Variants in SYNJ2 observed in about 807,000 individuals in gnomAD.
The protein encoded by SYNJ2 is polyphosphatidylinositol phosphatase SYNJ2.
A neutral mutation model predicts 141.3 loss-of-function variants in SYNJ2; 116 were observed. The observed-to-expected ratio is 0.82, with a 90% CI of 0.71 to 0.96. The LOEUF (loss-of-function observed/expected upper bound fraction) is 0.96. Ranked by LOEUF, SYNJ2 falls within the 40% of genes least tolerant of loss-of-function variation. The probability of loss-of-function intolerance (pLI) is 0.00; values close to 1 mark genes in which losing one functional copy is unlikely to be tolerated. For missense variants in SYNJ2, 1,873 were observed against 1,934.8 expected (o/e 0.97, Z 0.60); for synonymous variants, 745 against 777.7 (o/e 0.96, Z 0.70).
At position 158,088,034 on chromosome 6, in the gene SYNJ2, A is replaced by AT. The variant is rs568222551; in HGVS notation, c.3344-582dup. ...TAACAGTTTATTCCCCTGCTTTGGA[A>AT]TTTTTTTTTTTTTTTTTTTTTTTTT... On this transcript the variant is annotated intron_variant, in intron 23 of 26. Transcript: ENST00000355585. Among the ~76,000 whole-genome samples the AT allele has an allele frequency of 1.2e-3, 37 of 31,912 alleles. 4 individuals carry two copies. Among genetic ancestry groups the AT allele is most frequent in the Admixed American group, 2.1e-3 (4 of 1,892 alleles). The allele number at this position is 31,912 out of a possible 152,430, so 20.9% of individuals were successfully genotyped here. A position where few individuals can be genotyped will look rare whatever the true frequency, so the allele number is the denominator to read the frequency against.
At chr6:158,068,599 C>T (rs374680336) in intron 12 of SYNJ2, 48 bp from the exon 13 acceptor site, 111 of 1,606,370 alleles carry the variant, frequency 6.9e-5, no homozygotes, top group Admixed American at 1.7e-4. Flanking sequence ...ACTCGTAATG[C>T]GGGACTTGGC....
At chr6:157,987,146 C>A (rs1323808672) in intron 1 of SYNJ2, among the ~76,000 whole-genome samples, 1 of 151,704 alleles carries the variant, frequency 6.6e-6, no homozygotes, top group African/African-American at 2.4e-5. Flanking sequence ...GCTACCATGC[C>A]CGGCTAATTT....
At chr6:158,017,339 A>T in intron 2 of SYNJ2, 49 bp downstream of exon 2, 1 of 1,570,050 alleles carries the variant, frequency 6.4e-7, no homozygotes, top group South Asian at 1.2e-5. Flanking sequence ...CCCGGTGGGC[A>T]GGAGCCTCTG....
intron 21 of SYNJ2, 128 bp downstream of exon 21, chr6:158,083,725 C>T: frequency 8.1e-7 from 1 of 1,241,230 alleles, no homozygotes; most frequent in Non-Finnish European, 1.1e-6. Context: ...GCCCTCTGTC[C>T]CATGTGATGA....
At chr6:157,990,128 G>C (rs1012735537) in intron 1 of SYNJ2, among the ~76,000 whole-genome samples, 1 of 152,238 alleles carries the variant, frequency 6.6e-6, no homozygotes, top group African/African-American at 2.4e-5. Flanking sequence ...GTGACTCGGA[G>C]CAGCGGATTC....
At chr6:158,076,180 C>T (rs1247090780) in intron 16 of SYNJ2, among the ~76,000 whole-genome samples, 1 of 152,088 alleles carries the variant, frequency 6.6e-6, no homozygotes, top group African/African-American at 2.4e-5. Context: ...AGAGCGAGAC[C>T]CCAGGGGGAG....
At chr6:158,093,240 C>A (rs778361151) in intron 26 of SYNJ2, 136 bp downstream of exon 26, 23 of 944,226 alleles carry the variant, frequency 2.4e-5, no homozygotes, top group Non-Finnish European at 3.6e-5. Flanking sequence ...TCAAGACCAG[C>A]CTGACCAACA....
Position 158,095,988 on chromosome 6 carries a change from CTG to C in SYNJ2, c.4116_4117del (p.Ala1373ArgfsTer37). 6.2e-7 allele frequency: 1 copy of C among 1,614,216 alleles called. No homozygotes were observed. Among genetic ancestry groups the C allele is most frequent in the Non-Finnish European group, 8.5e-7 (1 of 1,180,034 alleles). ...AGTGACAGCCCCTCTGGGCACCCACCTGCCGCGGGCACCGTCTTCCCACAAGG... is the reference window on the plus strand; with the variant it reads ...AGTGACAGCCCCTCTGGGCACCCACCCCGCGGGCACCGTCTTCCCACAAGG... On this transcript the variant is annotated frameshift_variant, in exon 27 of 27. Transcript: ENST00000355585. LOFTEE classifies it low-confidence loss of function (END_TRUNC).
intron 7 of SYNJ2, 110 bp from the exon 8 acceptor site, chr6:158,061,882 C>A: frequency 9.1e-7 from 1 of 1,104,810 alleles, no homozygotes; most frequent in Non-Finnish European, 1.3e-6. Flanking sequence ...AAAGCACGTC[C>A]TGCGGCGAGT....
chr6:158,048,234 A>T (rs1212376862), intron 5 of SYNJ2, among the ~76,000 whole-genome samples: 4 of 152,182 alleles, frequency 2.6e-5, no homozygotes, highest in African/African-American at 9.7e-5. Flanking sequence ...CAGCTCTCCC[A>T]GGCTGAGGGT....
Position 158,033,500 on chromosome 6 carries a change from C to T in SYNJ2, c.531C>T (p.Cys177=). 3.7e-6 allele frequency: 6 copies of T among 1,614,248 alleles called. No homozygotes were observed. Among genetic ancestry groups the T allele is most frequent in the Non-Finnish European group, 5.1e-6 (6 of 1,180,050 alleles). The change falls in exon 4 of 27, where the codon TGC becomes TGT. Residue 177 remains cysteine, a synonymous_variant. Coordinates refer to ENST00000355585, the MANE Select transcript of SYNJ2 (RefSeq NM_003898.4). ...HVPLRQHQVS[C]CDWLLKIICG... is the part of the protein sequence containing the mutation. ...CCTTGAGGCAGCACCAGGTGAGCTG[C>T]TGTGACTGGCTGCTGAAGATCATCT...
intron 1 of SYNJ2, among the ~76,000 whole-genome samples, chr6:157,989,838 C>T (rs922043183): frequency 6.6e-6 from 1 of 152,172 alleles, no homozygotes; most frequent in Non-Finnish European, 1.5e-5. Context: ...TGGGTTTGAG[C>T]TGGAGAAGTG....
At chr6:158,026,809 T>C in intron 2 of SYNJ2, 1 of 984,958 alleles carries the variant, frequency 1.0e-6, no homozygotes, top group South Asian at 4.7e-5. Flanking sequence ...GAACTGTGCT[T>C]TTCCCTGCAC....
rs761490159 is a variant in SYNJ2, at chr6:158,084,037, A to G, written c.3071A>G (p.Asp1024Gly). ...GAAGACGATGAAGACTACTTGGTGG[A>G]TGAATTCAATCAGCCTGGAGTCTCG... ...ILEDDEDYLV[D>G]EFNQPGVSDS... Residue 1024 changes from aspartate to glycine, a missense_variant, in exon 22 of 27, where the codon GAT becomes GGT. By Grantham distance (94) the Asp-to-Gly change is moderately conservative (BLOSUM62 -1). Transcript: ENST00000355585. This position sits in a 1 kb window ranked among gnomAD's most constrained non-coding sequence, Gnocchi z 5.0. The G allele has an allele frequency of 4.9e-5, 79 of 1,614,038 alleles. 1 individual carries two copies. Among genetic ancestry groups the G allele is most frequent in the Non-Finnish European group, 6.2e-5 (73 of 1,180,022 alleles).
At chr6:158,093,788 G>T (rs1192888235) in intron 26 of SYNJ2, 18 of 703,462 alleles carry the variant, frequency 2.6e-5, no homozygotes, top group Non-Finnish European at 4.7e-5. Flanking sequence ...AAGGCATTAG[G>T]AAAACAGTAA....
chr6:158,034,610 G>A (rs1284574706), intron 4 of SYNJ2, among the ~76,000 whole-genome samples: 1 of 152,202 alleles, frequency 6.6e-6, no homozygotes, highest in Non-Finnish European at 1.5e-5. Flanking sequence ...ATCAGAGCAG[G>A]GGGCCCTAAG....
chr6:158,024,583 T>C (rs1239340833), intron 2 of SYNJ2, among the ~76,000 whole-genome samples: 1 of 152,244 alleles, frequency 6.6e-6, no homozygotes. Flanking sequence ...TGGCAGTGTT[T>C]TATTTACATT....
intron 1 of SYNJ2, among the ~76,000 whole-genome samples, chr6:157,990,776 G>A (rs945047930): frequency 6.6e-6 from 1 of 152,232 alleles, no homozygotes; most frequent in Non-Finnish European, 1.5e-5. Context: ...CTTACTGACT[G>A]GTGGGAGTAA....
At chr6:158,005,685 G>T (rs142738072) in intron 1 of SYNJ2, among the ~76,000 whole-genome samples, 5 of 152,028 alleles carry the variant, frequency 3.3e-5, no homozygotes, top group Non-Finnish European at 7.4e-5. Context: ...CCTTTCACTT[G>T]CGTTTCTGTG....
Sources: allele counts gnomAD v4.1 joint callset (sites outside exome capture counted in the v4.1 genomes callset), GRCh38; gene constraint gnomAD v4.1.1; non-coding constraint Gnocchi (gnomAD v3.1); transcripts MANE v1.5; gene names NCBI Gene and HGNC (gene_info 2026-07-23, HGNC 2026-07-21).